The following FSTL5 variants were observed in gnomAD, a reference collection of about 807,000 sequenced individuals.
FSTL5 encodes the protein follistatin like 5.
A neutral mutation model predicts 89.1 loss-of-function variants in FSTL5; 62 were observed. That is an observed-to-expected ratio of 0.70 (90% CI 0.57 to 0.86). The LOEUF (loss-of-function observed/expected upper bound fraction) is 0.86, where lower values mean the gene tolerates loss of function less well. Among genes scored for constraint, FSTL5 ranks in the 40% least tolerant of loss-of-function variants. The pLI is 0.00. For missense variants in FSTL5, 1,057 were observed against 1,001.6 expected (o/e 1.06, Z -0.75); for synonymous variants, 383 against 346.2 (o/e 1.11, Z -1.18).
At chr4:161,779,829 A>ATATATATATG (rs1741593859) in intron 4 of FSTL5, among the ~76,000 whole-genome samples, 3 of 96,164 alleles carry the variant, frequency 3.1e-5, no homozygotes, top group Non-Finnish European at 5.7e-5. Context: ...ATATATATAT[A>ATATATATATG]TATATATGTA....
chr4:161,775,496 C>T (rs951669089), intron 5 of FSTL5, among the ~76,000 whole-genome samples: 17 of 151,970 alleles, frequency 1.1e-4, no homozygotes, highest in African/African-American at 3.6e-4. Flanking sequence ...CTCAGTTGTT[C>T]GGTAGTGCCC....
chr4:161,964,755 G>T (rs1457901050), intron 3 of FSTL5, among the ~76,000 whole-genome samples: 1 of 152,014 alleles, frequency 6.6e-6, no homozygotes, highest in Non-Finnish European at 1.5e-5. Flanking sequence ...GACGCAGCAT[G>T]ATAGTAGCAG....
chr4:161,485,563 T>A (rs1378430132), intron 12 of FSTL5, among the ~76,000 whole-genome samples: 1 of 152,118 alleles, frequency 6.6e-6, no homozygotes, highest in Non-Finnish European at 1.5e-5. Context: ...GATCCAAAAC[T>A]TAATGAAATA....
At chr4:161,658,396 T>C (rs1421389948) in intron 6 of FSTL5, among the ~76,000 whole-genome samples, 3 of 151,830 alleles carry the variant, frequency 2.0e-5, no homozygotes, top group Admixed American at 6.6e-5. Flanking sequence ...GAGGCAGAGG[T>C]TGCAGTGAGC....
chr4:161,718,157 T>C (rs1739059069), intron 6 of FSTL5, among the ~76,000 whole-genome samples: 1 of 152,182 alleles, frequency 6.6e-6, no homozygotes, highest in Admixed American at 6.5e-5. Context: ...TTACATATAG[T>C]TGATTTGACT....
intron 3 of FSTL5, among the ~76,000 whole-genome samples, chr4:161,991,492 T>C (rs1736110936): frequency 6.6e-6 from 1 of 152,184 alleles, no homozygotes; most frequent in Non-Finnish European, 1.5e-5. Flanking sequence ...TTTGAAAATG[T>C]GCATTAAAGA....
At chr4:161,809,934 G>T (rs929959348) in intron 4 of FSTL5, among the ~76,000 whole-genome samples, 1 of 152,086 alleles carries the variant, frequency 6.6e-6, no homozygotes, top group Admixed American at 6.6e-5. Flanking sequence ...CAATGTAAAG[G>T]TACTTATACC....
intron 7 of FSTL5, among the ~76,000 whole-genome samples, chr4:161,633,785 A>AACATTGTTGAAATGAAATTT (rs1735585586): frequency 6.6e-6 from 1 of 152,244 alleles, no homozygotes; most frequent in Non-Finnish European, 1.5e-5. Context: ...TGCAAAGCAA[A>AACATTGTTGAAATGAAATTT]TATAAAATGA....
At chr4:161,926,654 C>T (rs551358800) in intron 3 of FSTL5, among the ~76,000 whole-genome samples, 27 of 151,830 alleles carry the variant, frequency 1.8e-4, no homozygotes, top group African/African-American at 6.3e-4. Flanking sequence ...GAAAGCAGAA[C>T]AGAGTGTGAT....
rs28688374 is a variant in FSTL5, at chr4:161,803,892, C to T, written c.410-27818G>A. On this transcript the variant is annotated intron_variant, in intron 4 of 15. Transcript: ENST00000306100. The stretch of plus-strand genomic sequence containing the variant: ...TTCACAAAGTTAAAATAAAGGTATA[C>T]GCTGAGATGCATTTTTCTTTTTCTA... Among the ~76,000 whole-genome samples, 256 of 152,090 alleles carry T rather than the reference C, an allele frequency of 1.7e-3. 1 individual carries two copies. The highest frequency in any genetic ancestry group is 6.0e-3 in the African/African-American group (250 of 41,540).
chr4:161,506,037 A>G (rs1730468004), intron 11 of FSTL5, among the ~76,000 whole-genome samples: 1 of 151,882 alleles, frequency 6.6e-6, no homozygotes, highest in Non-Finnish European at 1.5e-5. Context: ...CTTTTTATTT[A>G]TTTTATATTA....
chr4:162,089,727 C>A (rs2111353982), intron 2 of FSTL5, among the ~76,000 whole-genome samples: 1 of 150,574 alleles, frequency 6.6e-6, no homozygotes, highest in East Asian at 2.0e-4. Context: ...AGTTAAACTT[C>A]TGCCTACAGA....
chr4:161,776,261 T>C (rs1741409612), intron 4 of FSTL5, among the ~76,000 whole-genome samples, 187 bp from the exon 5 acceptor site: 1 of 152,126 alleles, frequency 6.6e-6, no homozygotes, highest in Admixed American at 6.5e-5. Context: ...AGAAAACTTT[T>C]ATCTCTATCA....
intron 6 of FSTL5, among the ~76,000 whole-genome samples, chr4:161,687,850 A>G (rs1354784260): frequency 6.6e-6 from 1 of 152,208 alleles, no homozygotes; most frequent in African/African-American, 2.4e-5. Context: ...TCACAATGCA[A>G]CAGTGCTGGA....
At chr4:161,388,567 A>G (rs1282485358) in intron 15 of FSTL5, 1 of 152,124 alleles carries the variant, frequency 6.6e-6, no homozygotes, top group Non-Finnish European at 1.5e-5. Context: ...ACAAACATAT[A>G]ACATTTTTCT....
intron 13 of FSTL5, among the ~76,000 whole-genome samples, chr4:161,461,460 C>CAAA (rs58371125): frequency 1.1e-4 from 5 of 45,372 alleles, no homozygotes; most frequent in African/African-American, 1.9e-4. Flanking sequence ...GACTCCGTCT[C>CAAA]AAAAAAAAAA....
intron 4 of FSTL5, among the ~76,000 whole-genome samples, chr4:161,848,239 G>A (rs1332487556): frequency 6.6e-6 from 1 of 151,824 alleles, no homozygotes; most frequent in Non-Finnish European, 1.5e-5. Context: ...ACATGATTAG[G>A]CTTTTCATAA....
At chr4:161,969,021 A>G (rs1445164090) in intron 3 of FSTL5, among the ~76,000 whole-genome samples, 2 of 151,664 alleles carry the variant, frequency 1.3e-5, no homozygotes, top group African/African-American at 4.8e-5. Context: ...ATTCAAAGAA[A>G]TTTCCAAGGG....
chr4:161,656,598 A>C (rs1421615181), intron 6 of FSTL5, 104 bp from the exon 7 acceptor site: 1 of 593,670 alleles, frequency 1.7e-6, no homozygotes, highest in Non-Finnish European at 2.6e-6. Context: ...ATTTGAATAA[A>C]AGGGAAAAAA....
Sources: allele counts gnomAD v4.1 joint callset (sites outside exome capture counted in the v4.1 genomes callset), GRCh38; gene constraint gnomAD v4.1.1; transcripts MANE v1.5; gene names NCBI Gene and HGNC (gene_info 2026-07-23, HGNC 2026-07-21).